Variants in IHO1 observed in about 807,000 individuals in gnomAD.
The protein encoded by IHO1 is interactor of HORMAD1 protein 1.
In IHO1, 13 loss-of-function variants were observed where a neutral mutation model predicts 31.0. The ratio of observed to expected loss-of-function variants is 0.42; its 90% CI spans 0.27 to 0.67. The LOEUF (loss-of-function observed/expected upper bound fraction) is 0.67. IHO1 is among the 30% of genes least tolerant of loss of function. IHO1 has a pLI of 0.24. For synonymous variants in IHO1, 221 were observed against 248.4 expected, an observed-to-expected ratio of 0.89 and a Z score of 1.04; for missense variants, 599 against 687.5, an observed-to-expected ratio of 0.87 and a Z score of 1.44.
chr3:49,217,376 A>G (rs1213309604), intron 2 of IHO1, among the ~76,000 whole-genome samples: 3 of 151,858 alleles, frequency 2.0e-5, no homozygotes, highest in Non-Finnish European at 4.4e-5. Context: ...TTCTAAGCAA[A>G]CTATCACAAG....
At chr3:49,244,558 AT>A in intron 5 of IHO1, 87 bp from the exon 6 acceptor site, 2 of 1,312,274 alleles carry the variant, frequency 1.5e-6, no homozygotes, top group Non-Finnish European at 2.2e-6. Flanking sequence ...TATTTTAACT[AT>A]CCCTATTTAT....
At chr3:49,208,956 G>A (rs1450456631) in intron 1 of IHO1, among the ~76,000 whole-genome samples, 3 of 152,174 alleles carry the variant, frequency 2.0e-5, no homozygotes, top group African/African-American at 7.2e-5. Context: ...TGTGGTAGGG[G>A]TTGAACAGTC....
intron 3 of IHO1, among the ~76,000 whole-genome samples, chr3:49,238,280 AGTTTTGTTTTGTTTTGTTTT>A (rs370628737): frequency 6.6e-6 from 1 of 151,850 alleles, no homozygotes; most frequent in Non-Finnish European, 1.5e-5. Context: ...AACTAAATGT[AGTTTTGTTTTGTTTTGTTTT>A]GTTTTGTTTT....
chr3:49,244,325 A>T, intron 4 of IHO1, 79 bp from the exon 5 acceptor site: 1 of 884,914 alleles, frequency 1.1e-6, no homozygotes, highest in Non-Finnish European at 1.9e-6. Context: ...GAGATCTGCC[A>T]TATTTATGGA....
intron 2 of IHO1, among the ~76,000 whole-genome samples, chr3:49,235,963 C>T (rs980099682): frequency 1.3e-5 from 2 of 149,560 alleles, no homozygotes; most frequent in Admixed American, 6.7e-5. Flanking sequence ...ATTCTTGGCC[C>T]TGCACGGTGG....
intron 2 of IHO1, among the ~76,000 whole-genome samples, chr3:49,231,269 C>G (rs1368962196): frequency 6.6e-6 from 1 of 152,182 alleles, no homozygotes; most frequent in Non-Finnish European, 1.5e-5. Flanking sequence ...TTGGCAAACC[C>G]ATTTAGCTGA....
chr3:49,222,100 T>A (rs1344383078), intron 2 of IHO1, among the ~76,000 whole-genome samples: 1 of 152,218 alleles, frequency 6.6e-6, no homozygotes, highest in Non-Finnish European at 1.5e-5. Flanking sequence ...ATTTCGTCAT[T>A]TCTTGCAAAC....
intron 1 of IHO1, chr3:49,200,477 A>AGAAAGAAAGAAAGAAAGAAAGAT: frequency 2.7e-6 from 1 of 376,210 alleles, no homozygotes; most frequent in Admixed American, 7.7e-5. Context: ...AAAAAAAAAA[A>AGAAAGAAAGAAAGAAAGAAAGAT]AGAAAGAAAG....
chr3:49,255,548 C>A (rs958271048), intron 7 of IHO1, 55 bp downstream of exon 7: 2 of 1,049,336 alleles, frequency 1.9e-6, no homozygotes, highest in Non-Finnish European at 2.7e-6. Flanking sequence ...GAACTAGACC[C>A]AGAGAGAAAC....
chr3:49,200,526 A>C (rs2046055740), intron 1 of IHO1: 1 of 968,238 alleles, frequency 1.0e-6, no homozygotes, highest in Non-Finnish European at 1.2e-6. Flanking sequence ...AAAAGAAAAA[A>C]GATTGTCGCA....
chr3:49,247,474 AG>A (rs2046708984), intron 6 of IHO1, among the ~76,000 whole-genome samples: 1 of 149,060 alleles, frequency 6.7e-6, no homozygotes, highest in African/African-American at 2.5e-5. Context: ...TCAGGTGATC[AG>A]CCTGTTTCGG....
At chr3:49,213,960 G>A in intron 2 of IHO1, 1 of 418,762 alleles carries the variant, frequency 2.4e-6, no homozygotes, top group Non-Finnish European at 5.0e-6. Flanking sequence ...AGCTCCGAGA[G>A]CAAGCGAGGG....
At chr3:49,245,148 T>G (rs1041984384) in intron 6 of IHO1, 1 of 385,486 alleles carries the variant, frequency 2.6e-6, no homozygotes, top group Non-Finnish European at 4.7e-6. Flanking sequence ...CTGCCTTGGT[T>G]TCAGTGAGAG....
At chr3:49,251,936 A>C (rs1009317064) in intron 6 of IHO1, among the ~76,000 whole-genome samples, 6 of 150,734 alleles carry the variant, frequency 4.0e-5, no homozygotes, top group African/African-American at 1.5e-4. Context: ...ATATCAAGAG[A>C]TTCTCCTGCC....
At chr3:49,210,773 C>T (rs955682347) in intron 1 of IHO1, among the ~76,000 whole-genome samples, 5 of 148,722 alleles carry the variant, frequency 3.4e-5, no homozygotes, top group African/African-American at 1.3e-4. Context: ...CCTTGGCTCA[C>T]TGCAACCTCT....
intron 6 of IHO1, 117 bp from the exon 7 acceptor site, chr3:49,255,273 A>C: frequency 6.2e-6 from 4 of 645,596 alleles, no homozygotes; most frequent in South Asian, 2.3e-5. Context: ...GCCTGGAGGA[A>C]CCACTCCGGT....
chr3:49,244,968 C>T, intron 6 of IHO1: 1 of 598,308 alleles, frequency 1.7e-6, no homozygotes, highest in South Asian at 2.0e-5. Context: ...ACTAATCCCC[C>T]ACCTGGTAAC....
chr3:49,211,724 A>G (rs909485459), intron 1 of IHO1, 42 bp from the exon 2 acceptor site: 2 of 965,018 alleles, frequency 2.1e-6, no homozygotes, highest in East Asian at 2.5e-5. Flanking sequence ...GGAAAAAATT[A>G]TACTGTTAAC....
chr3:49,195,401 G>A (rs757247685), upstream of IHO1, among the ~76,000 whole-genome samples: 4 of 142,704 alleles, frequency 2.8e-5, no homozygotes, highest in South Asian at 4.4e-4. Context: ...CAGCCTGAGC[G>A]ACAGAGCAAG....
Sources: gnomAD v4.1 joint callset for allele counts (sites outside exome capture counted in the v4.1 genomes callset) on GRCh38, gnomAD v4.1.1 for gene constraint, MANE v1.5 for transcripts, NCBI Gene and HGNC (gene_info 2026-07-23, HGNC 2026-07-21) for gene names.